The following HS6ST2 variants were observed in gnomAD, a reference collection of about 807,000 sequenced individuals.
The protein encoded by HS6ST2 is heparan sulfate 6-O-sulfotransferase 2, also known as heparan-sulfate 6-O-sulfotransferase 2.
Under a neutral mutation model 33.0 loss-of-function variants are expected in HS6ST2, and 17 were observed. The ratio of observed to expected loss-of-function variants is 0.52; its 90% CI spans 0.35 to 0.77. The LOEUF (loss-of-function observed/expected upper bound fraction) is 0.77, where lower values mean the gene tolerates loss of function less well. Among genes scored for constraint, HS6ST2 ranks in the 30% least tolerant of loss-of-function variants. The pLI is 0.01. For synonymous variants in HS6ST2, 248 were observed against 237.1 expected (o/e 1.05, Z -0.42); for missense variants, 519 against 551.7 (o/e 0.94, Z 0.59).
intron 2 of HS6ST2, among the ~76,000 whole-genome samples, chrX:132,799,372 T>TC (rs1385397418): frequency 1.9e-5 from 2 of 104,083 alleles, no homozygotes; most frequent in Non-Finnish European, 3.9e-5. Flanking sequence ...CTCTTTTACT[T>TC]TTTTTTTTTT....
chrX:132,850,966 G>C (rs2065795939), intron 2 of HS6ST2, among the ~76,000 whole-genome samples: 1 of 111,914 alleles, frequency 8.9e-6, no homozygotes, highest in Admixed American at 9.5e-5. Context: ...TTTCTGCCAT[G>C]AATTGTCCTC....
chrX:132,722,004 C>T (rs1602610287), intron 2 of HS6ST2, among the ~76,000 whole-genome samples: 1 of 108,843 alleles, frequency 9.2e-6, no homozygotes, highest in South Asian at 4.0e-4. Context: ...TTGGCTAACA[C>T]GGTGAAACCC....
chrX:132,813,738 C>T (rs2065371035), intron 2 of HS6ST2, among the ~76,000 whole-genome samples: 1 of 103,161 alleles, frequency 9.7e-6, no homozygotes, highest in African/African-American at 3.4e-5. Context: ...TCCATTACCA[C>T]GCCCCTAGTT....
intron 4 of HS6ST2, among the ~76,000 whole-genome samples, chrX:132,657,445 A>G (rs1258577438): frequency 9.1e-6 from 1 of 110,382 alleles, no homozygotes; most frequent in Non-Finnish European, 1.9e-5. Flanking sequence ...GTGGGAGAAA[A>G]GGGGCAACCT....
At chrX:132,629,401 C>G (rs2063502013) in intron 4 of HS6ST2, among the ~76,000 whole-genome samples, 2 of 111,305 alleles carry the variant, frequency 1.8e-5, no homozygotes, top group African/African-American at 6.5e-5. Flanking sequence ...CTCTTTTTCT[C>G]CCTCTCTAAC....
intron 2 of HS6ST2, among the ~76,000 whole-genome samples, chrX:132,773,555 C>A (rs2064928045): frequency 9.0e-6 from 1 of 111,137 alleles, no homozygotes; most frequent in Admixed American, 9.7e-5. Flanking sequence ...TTCATAATAG[C>A]TGAGAAATGG....
At chrX:132,694,660 T>C (rs2148233319) in intron 3 of HS6ST2, among the ~76,000 whole-genome samples, 1 of 110,684 alleles carries the variant, frequency 9.0e-6, no homozygotes, top group Non-Finnish European at 1.9e-5. Flanking sequence ...AGGGGTCCAA[T>C]AAAGGAAGCA....
intron 2 of HS6ST2, among the ~76,000 whole-genome samples, chrX:132,859,632 GAGTC>G (rs2065889152): frequency 1.1e-5 from 1 of 93,805 alleles, no homozygotes; most frequent in African/African-American, 3.9e-5. Flanking sequence ...GGGAAGGAGA[GAGTC>G]AGAGGAAGGA....
At chrX:132,912,192 G>A (rs2066542862) in intron 2 of HS6ST2, among the ~76,000 whole-genome samples, 1 of 112,740 alleles carries the variant, frequency 8.9e-6, no homozygotes, top group African/African-American at 3.2e-5. Context: ...TACCCTTTAG[G>A]TCTGTTCTGC....
chrX:132,855,237 T>C (rs2065842491), intron 2 of HS6ST2, among the ~76,000 whole-genome samples: 1 of 111,974 alleles, frequency 8.9e-6, no homozygotes, highest in African/African-American at 3.3e-5. Flanking sequence ...AGAGCCATCA[T>C]TTGTTGAGGT....
At chrX:132,794,568 G>GATTATTATTATTATT (rs200135097) in intron 2 of HS6ST2, among the ~76,000 whole-genome samples, 41 of 98,040 alleles carry the variant, frequency 4.2e-4, no homozygotes, top group African/African-American at 1.6e-3. Context: ...TGATGATGAT[G>GATTATTATTATTATT]ATGATGATTA....
At chrX:132,646,705 C>G (rs1283165351) in intron 4 of HS6ST2, among the ~76,000 whole-genome samples, 1 of 110,986 alleles carries the variant, frequency 9.0e-6, no homozygotes, top group Non-Finnish European at 1.9e-5. Flanking sequence ...TCAAGGAAGA[C>G]TACTGGTGGT....
Position 132,930,967 on chromosome X carries a change from A to G in HS6ST2, c.947+25841T>C, listed in dbSNP as rs917143612. Among the ~76,000 whole-genome samples, 5 of 111,589 alleles carry G rather than the reference A, an allele frequency of 4.5e-5. No individual in the cohort carries two copies. In the South Asian group the frequency reaches 1.6e-3, roughly 35 times the overall value. Reference sequence around the variant, plus strand: ...TATGTCTTGGAGCCAATAAAAAAAAATCATCCATCATACCTAAAACCAAGA... The same window carrying G: ...TATGTCTTGGAGCCAATAAAAAAAAGTCATCCATCATACCTAAAACCAAGA... On this transcript the variant is annotated intron_variant, in intron 2 of 4. Transcript: ENST00000370833.
At chrX:132,922,820 T>C (rs1294573778) in intron 2 of HS6ST2, among the ~76,000 whole-genome samples, 1 of 111,746 alleles carries the variant, frequency 8.9e-6, no homozygotes, top group African/African-American at 3.3e-5. Flanking sequence ...CCCAACACTT[T>C]GGGAGGCCTT....
At chrX:132,800,077 C>A (rs1001723770) in intron 2 of HS6ST2, among the ~76,000 whole-genome samples, 2 of 111,899 alleles carry the variant, frequency 1.8e-5, no homozygotes, top group Non-Finnish European at 3.8e-5. Context: ...GGTCCCCAAC[C>A]CTCAGGCCAT....
chrX:132,807,210 C>T (rs1426886693), intron 2 of HS6ST2, among the ~76,000 whole-genome samples: 1 of 110,410 alleles, frequency 9.1e-6, no homozygotes, highest in East Asian at 2.8e-4. Context: ...CAAATCCACA[C>T]TCATTAACCT....
intron 2 of HS6ST2, among the ~76,000 whole-genome samples, chrX:132,751,597 C>T (rs1218757823): frequency 8.9e-6 from 1 of 112,168 alleles, no homozygotes; most frequent in Non-Finnish European, 1.9e-5. Context: ...CTTTCTTGAC[C>T]AAATACCTCC....
At position 132,957,172 on chromosome X, in the gene HS6ST2, G is replaced by C. The variant is rs1236194319; in HGVS notation, c.583C>G (p.Arg195Gly). The C allele has an allele frequency of 8.3e-7, 1 of 1,211,971 alleles. No homozygotes were observed. ...AFSSPVPDPY[R>G]SEDESSARFV... ...CTGGCGGAGCTCTCATCCTCCGAGCGGTACGGGTCCGGCACCGGGGAGCTG... is the reference window on the plus strand; with the variant it reads ...CTGGCGGAGCTCTCATCCTCCGAGCCGTACGGGTCCGGCACCGGGGAGCTG... The change falls in exon 2 of 5, where the codon CGC becomes GGC. Residue 195 changes from arginine to glycine, a missense_variant. Coordinates refer to ENST00000370833, the MANE Select transcript of HS6ST2 (RefSeq NM_001394073.1).
chrX:132,915,382 T>C, intron 2 of HS6ST2, among the ~76,000 whole-genome samples: 2 of 112,501 alleles, frequency 1.8e-5, no homozygotes, highest in Middle Eastern at 4.6e-3. Flanking sequence ...AATGATGTTC[T>C]TGCAAGCTTC....
Sources: allele counts gnomAD v4.1 joint callset (sites outside exome capture counted in the v4.1 genomes callset), GRCh38; gene constraint gnomAD v4.1.1; transcripts MANE v1.5; gene names NCBI Gene and HGNC (gene_info 2026-07-23, HGNC 2026-07-21).